CRPPA: variants seen among roughly 807,000 people sequenced by gnomAD.
The protein encoded by CRPPA is D-ribitol-5-phosphate cytidylyltransferase.
A neutral mutation model predicts 52.0 loss-of-function variants in CRPPA; 43 were observed. The observed-to-expected ratio is 0.83, with a 90% CI of 0.65 to 1.07. The LOEUF (loss-of-function observed/expected upper bound fraction) is 1.07, where lower values mean the gene tolerates loss of function less well. CRPPA is among the 50% of genes least tolerant of loss of function. The pLI is 0.00. For synonymous variants in CRPPA, 250 were observed against 203.5 expected (o/e 1.23, Z -1.94); for missense variants, 629 against 551.7 (o/e 1.14, Z -1.40).
chr7:16,217,177 G>T (rs750662066), intron 8 of CRPPA, among the ~76,000 whole-genome samples: 2 of 144,902 alleles, frequency 1.4e-5, no homozygotes, highest in African/African-American at 5.1e-5. Flanking sequence ...CCCAGCAGGG[G>T]CACACTGACA....
intron 3 of CRPPA, among the ~76,000 whole-genome samples, chr7:16,333,225 A>G (rs1296519428): frequency 3.3e-5 from 5 of 152,172 alleles, no homozygotes; most frequent in Non-Finnish European, 7.3e-5. Context: ...CACAAAACAA[A>G]AGCAATAAAG....
chr7:16,357,759 G>T (rs1408185364), intron 3 of CRPPA, among the ~76,000 whole-genome samples: 1 of 152,132 alleles, frequency 6.6e-6, no homozygotes, highest in African/African-American at 2.4e-5. Flanking sequence ...TTACTAAGAA[G>T]GAATAAGACA....
At chr7:16,193,819 C>T (rs1209196780) in intron 9 of CRPPA, among the ~76,000 whole-genome samples, 1 of 152,052 alleles carries the variant, frequency 6.6e-6, no homozygotes, top group East Asian at 1.9e-4. Flanking sequence ...GCGCTTATCC[C>T]CTGCAGTGTA....
chr7:16,241,162 T>A lies in CRPPA; in HGVS notation c.1119+17228A>T, dbSNP rs1379825048. Among the ~76,000 whole-genome samples, 4 of 152,164 alleles carry A rather than the reference T, an allele frequency of 2.6e-5. No individual in the cohort carries two copies. The East Asian group carries it at 7.7e-4, about 29-fold the overall frequency. On this transcript the variant is annotated intron_variant, in intron 8 of 9. Transcript: ENST00000407010. ...GTGACAGTTTCTCCAGATGTGAAAATATCAAGTGTAAATGGATGATGACTT... is the reference window on the plus strand; with the variant it reads ...GTGACAGTTTCTCCAGATGTGAAAAAATCAAGTGTAAATGGATGATGACTT...
intron 1 of CRPPA, among the ~76,000 whole-genome samples, chr7:16,415,416 G>A (rs368534649): frequency 9.2e-5 from 14 of 152,090 alleles, no homozygotes; most frequent in African/African-American, 3.1e-4. Flanking sequence ...ATAGAGTACC[G>A]AACTCAAGTC....
intron 8 of CRPPA, among the ~76,000 whole-genome samples, chr7:16,243,749 T>G (rs1381729185): frequency 6.6e-6 from 1 of 152,134 alleles, no homozygotes; most frequent in Non-Finnish European, 1.5e-5. Context: ...AAAGATTGCT[T>G]GAGCTCAGGA....
intron 1 of CRPPA, among the ~76,000 whole-genome samples, chr7:16,420,203 G>A (rs528118216): frequency 1.3e-5 from 2 of 152,244 alleles, no homozygotes; most frequent in African/African-American, 4.8e-5. Context: ...AATGCAAACG[G>A]TTCGCATCAA....
chr7:16,165,860 A>G (rs1170469701), intron 9 of CRPPA, among the ~76,000 whole-genome samples: 2 of 152,218 alleles, frequency 1.3e-5, no homozygotes, highest in Non-Finnish European at 2.9e-5. Flanking sequence ...GGTGTACTAT[A>G]ACACTTCATA....
At chr7:16,267,963 AC>A (rs1369130054) in intron 6 of CRPPA, among the ~76,000 whole-genome samples, 1 of 152,176 alleles carries the variant, frequency 6.6e-6, no homozygotes, top group African/African-American at 2.4e-5. Context: ...TTATATGTAA[AC>A]GTTATTTCAT....
intron 3 of CRPPA, among the ~76,000 whole-genome samples, chr7:16,317,869 A>G (rs994300752): frequency 6.6e-6 from 1 of 152,176 alleles, no homozygotes; most frequent in Non-Finnish European, 1.5e-5. Context: ...CCAACAGAGT[A>G]TCAAAGTTCT....
At chr7:16,239,062 T>C (rs1295169) in intron 8 of CRPPA, among the ~76,000 whole-genome samples, 118,943 of 149,318 alleles carry the variant, frequency 0.8, 48,043 homozygotes, top group African/African-American at 0.94. Flanking sequence ...TTGCTTGAAC[T>C]GTGAGGCAGA....
intron 8 of CRPPA, among the ~76,000 whole-genome samples, chr7:16,249,254 T>C (rs1449900651): frequency 2.0e-5 from 3 of 151,956 alleles, no homozygotes; most frequent in Non-Finnish European, 4.4e-5. Flanking sequence ...AAAACCCCCA[T>C]CTCCCTGGGA....
chr7:16,259,244 GA>G (rs969768875), intron 6 of CRPPA, among the ~76,000 whole-genome samples: 2 of 151,838 alleles, frequency 1.3e-5, no homozygotes, highest in African/African-American at 4.8e-5. Flanking sequence ...TTTCACATAG[GA>G]AAAAAATATG....
chr7:16,233,465 T>C (rs536153127), intron 8 of CRPPA, among the ~76,000 whole-genome samples: 1 of 152,234 alleles, frequency 6.6e-6, no homozygotes, highest in Admixed American at 6.5e-5. Flanking sequence ...TTCAAAGATA[T>C]TATAATGGTT....
At chr7:16,175,630 T>C (rs1490121739) in intron 9 of CRPPA, among the ~76,000 whole-genome samples, 6 of 152,312 alleles carry the variant, frequency 3.9e-5, no homozygotes, top group African/African-American at 1.2e-4. Flanking sequence ...TTGTAAGCTC[T>C]CCAGTCTTTC....
chr7:16,383,923 G>A (rs942495499), intron 2 of CRPPA, among the ~76,000 whole-genome samples: 14 of 152,176 alleles, frequency 9.2e-5, no homozygotes, highest in African/African-American at 3.4e-4. Flanking sequence ...CTAGGAAAGG[G>A]AACTCCCTGA....
intron 8 of CRPPA, among the ~76,000 whole-genome samples, chr7:16,225,505 C>G (rs1044630944): frequency 1.3e-5 from 2 of 151,906 alleles, no homozygotes; most frequent in Admixed American, 1.3e-4. Context: ...AAACATAATT[C>G]TATGTTCATT....
chr7:16,397,335 T>C (rs1199338676), intron 2 of CRPPA, among the ~76,000 whole-genome samples: 1 of 152,202 alleles, frequency 6.6e-6, no homozygotes, highest in Non-Finnish European at 1.5e-5. Context: ...ACGTGTGACA[T>C]GACCAACATG....
At chr7:16,336,585 C>G (rs189133166) in intron 3 of CRPPA, among the ~76,000 whole-genome samples, 1 of 145,788 alleles carries the variant, frequency 6.9e-6, no homozygotes, top group Non-Finnish European at 1.5e-5. Context: ...AAAGAAGGAA[C>G]CTACAAAACA....
Sources: allele counts gnomAD v4.1 joint callset (sites outside exome capture counted in the v4.1 genomes callset), GRCh38; gene constraint gnomAD v4.1.1; transcripts MANE v1.5; gene names NCBI Gene and HGNC (gene_info 2026-07-23, HGNC 2026-07-21).